Variants in KIF20B observed in about 807,000 individuals in gnomAD.
KIF20B encodes kinesin-like protein KIF20B.
A neutral mutation model predicts 232.5 loss-of-function variants in KIF20B; 188 were observed. That is an observed-to-expected ratio of 0.81 (90% confidence interval 0.72 to 0.91). KIF20B has a LOEUF of 0.91. Ranked by LOEUF, KIF20B falls within the 40% of genes least tolerant of loss-of-function variation. KIF20B has a pLI of 0.00. For missense variants in KIF20B, 2,154 were observed against 2,055.9 expected, an observed-to-expected ratio of 1.05 and a Z score of -0.92; for synonymous variants, 712 against 683.0, an observed-to-expected ratio of 1.04 and a Z score of -0.66.
In KIF20B at chr10:89,719,527, G is replaced by T; in HGVS notation, c.1543G>T (p.Val515Leu). ...TAATTCAAACAGTAAAATATTAAATGTAAAAAGAGCCACCATTTCATGGGA... is the reference window on the plus strand; with the variant it reads ...TAATTCAAACAGTAAAATATTAAATTTAAAAAGAGCCACCATTTCATGGGA... ...DSNSNSKILN[V>L]KRATISWENS... The change falls in exon 13 of 33, where the codon GTA becomes TTA. Residue 515 changes from valine to leucine, a missense_variant. Physicochemically the swap from Val to Leu is conservative, Grantham distance 32. Coordinates refer to ENST00000371728, the MANE Select transcript of KIF20B (RefSeq NM_001284259.2). The T allele has an allele frequency of 6.2e-7, 1 of 1,612,532 alleles. No individual in the cohort carries two copies. Among genetic ancestry groups the T allele is most frequent in the Non-Finnish European group, 8.5e-7 (1 of 1,178,858 alleles).
In KIF20B at chr10:89,706,060, G is replaced by A. The variant is rs141727135; in HGVS notation, c.147+619G>A. ...ATACCTAGGAATACAAACTGTATAA[G>A]TTTAACTTTATAAGTAACTACTAAA... On this transcript the variant is annotated intron_variant, in intron 2 of 32. Transcript: ENST00000371728. Among the ~76,000 whole-genome samples, 459 of 152,260 alleles carry A rather than the reference G, an allele frequency of 3.0e-3. 3 individuals are homozygous for A. Among genetic ancestry groups the A allele is most frequent in the African/African-American group, 0.01 (429 of 41,556 alleles).
intron 29 of KIF20B, 56 bp downstream of exon 29, chr10:89,762,891 A>C: frequency 7.5e-7 from 1 of 1,325,656 alleles, no homozygotes; most frequent in Non-Finnish European, 1.1e-6. Flanking sequence ...TAAAGCTGTT[A>C]TAGTATAGAG....
intron 13 of KIF20B, among the ~76,000 whole-genome samples, chr10:89,723,233 A>G (rs1424822822): frequency 2.6e-5 from 4 of 152,196 alleles, no homozygotes; most frequent in Admixed American, 2.6e-4. Context: ...TTATTGTTTA[A>G]TTTGTTGTTG....
intron 11 of KIF20B, 88 bp downstream of exon 11, chr10:89,717,810 A>AT (rs1842965972): frequency 2.5e-6 from 2 of 816,282 alleles, no homozygotes; most frequent in Non-Finnish European, 3.8e-6. Context: ...TTCTTTTTTG[A>AT]TTTTTAAACT....
At chr10:89,710,613 AT>A (rs11332733) in intron 5 of KIF20B, among the ~76,000 whole-genome samples, 46,949 of 152,060 alleles carry the variant, frequency 0.31, 8,149 homozygotes, top group African/African-American at 0.46. Context: ...GATGATTAAA[AT>A]CCAGAAAAAG....
intron 6 of KIF20B, among the ~76,000 whole-genome samples, chr10:89,711,673 G>C (rs1589852103): frequency 6.6e-6 from 1 of 151,582 alleles, no homozygotes; most frequent in East Asian, 1.9e-4. Flanking sequence ...TTATATGTAT[G>C]ATATAATTTT....
At position 89,754,554 on chromosome 10, in the gene KIF20B, T is replaced by C; in HGVS notation, c.4384T>C (p.Trp1462Arg). Residue 1462 changes from tryptophan to arginine, a missense_variant, in exon 26 of 33, where the codon TGG (tryptophan) becomes CGG (arginine). Physicochemically the swap from Trp to Arg is moderately radical, Grantham distance 101. Coordinates refer to ENST00000371728, the MANE Select transcript of KIF20B (RefSeq NM_001284259.2). ...EQKYNADRKK[W>R]LEEKMMLITQ... is the part of the protein sequence containing the mutation. ...GAAATATAATGCTGATAGAAAGAAA[T>C]GGTTAGAAGAAAAAATGATGCTTAT... The C allele has an allele frequency of 6.2e-7, 1 of 1,600,206 alleles. No individual in the cohort carries two copies. Among genetic ancestry groups the C allele is most frequent in the Non-Finnish European group, 8.5e-7 (1 of 1,172,560 alleles).
intron 12 of KIF20B, 52 bp from the exon 13 acceptor site, chr10:89,719,367 T>C: frequency 8.1e-7 from 1 of 1,236,806 alleles, no homozygotes; most frequent in Non-Finnish European, 1.1e-6. Flanking sequence ...CATTTTCTAG[T>C]GGACAGTTCT....
chr10:89,745,923 G>C lies in KIF20B; in HGVS notation c.4060G>C (p.Glu1354Gln), dbSNP rs758003194. The C allele has an allele frequency of 1.2e-6, 2 of 1,610,624 alleles. No homozygotes were observed. The highest frequency in any genetic ancestry group is 1.7e-6 in the Non-Finnish European group (2 of 1,176,878). Reference sequence around the variant, plus strand: ...GGAGCAGTTAAATAATCAGAAAGTGGAAGAAGCTATACAACAGTATGAGAG... The same window carrying C: ...GGAGCAGTTAAATAATCAGAAAGTGCAAGAAGCTATACAACAGTATGAGAG... ...LKEQLNNQKV[E>Q]EAIQQYERAC... Residue 1354 changes from glutamate to glutamine, a missense_variant, in exon 23 of 33, where the codon GAA (glutamate) becomes CAA (glutamine). Glu to Gln is a conservative substitution (Grantham distance 29). Coordinates refer to ENST00000371728, the MANE Select transcript of KIF20B (RefSeq NM_001284259.2).
chr10:89,737,271 T>A, intron 19 of KIF20B, 116 bp from the exon 20 acceptor site: 1 of 1,108,962 alleles, frequency 9.0e-7, no homozygotes, highest in Non-Finnish European at 1.2e-6. Context: ...TCATTTTTTT[T>A]TTTTAATTAG....
At chr10:89,729,357 T>C in intron 18 of KIF20B, 110 bp downstream of exon 18, 2 of 1,082,696 alleles carry the variant, frequency 1.8e-6, no homozygotes, top group South Asian at 1.6e-5. Flanking sequence ...ATTGAGAATG[T>C]TGAATTGCTT....
At chr10:89,752,257 C>G (rs1842035797) in intron 24 of KIF20B, among the ~76,000 whole-genome samples, 1 of 152,048 alleles carries the variant, frequency 6.6e-6, no homozygotes, top group South Asian at 2.1e-4. Flanking sequence ...TAGCCACTTT[C>G]ATGGGCATAG....
At chr10:89,747,030 G>A (rs1184420956) in intron 23 of KIF20B, among the ~76,000 whole-genome samples, 1 of 152,186 alleles carries the variant, frequency 6.6e-6, no homozygotes, top group Non-Finnish European at 1.5e-5. Context: ...ACGAAATTGT[G>A]TAAAGAATAA....
At chr10:89,750,469 C>T (rs1159940468) in intron 23 of KIF20B, among the ~76,000 whole-genome samples, 1 of 152,268 alleles carries the variant, frequency 6.6e-6, no homozygotes, top group African/African-American at 2.4e-5. Context: ...ACAGTTTTCT[C>T]TTACTGTTTA....
chr10:89,771,634 G>C (rs1451760775), intron 31 of KIF20B, among the ~76,000 whole-genome samples: 1 of 151,964 alleles, frequency 6.6e-6, no homozygotes, highest in South Asian at 2.1e-4. Flanking sequence ...CTTTGGTGGA[G>C]GCCTTCTTAT....
intron 1 of KIF20B, among the ~76,000 whole-genome samples, chr10:89,702,786 T>A (rs1305856430): frequency 6.6e-6 from 1 of 151,820 alleles, no homozygotes; most frequent in Non-Finnish European, 1.5e-5. Flanking sequence ...TAGTATTTTC[T>A]TTATAACCAT....
intron 23 of KIF20B, among the ~76,000 whole-genome samples, chr10:89,749,197 C>T (rs937331447): frequency 7.9e-5 from 12 of 151,854 alleles, no homozygotes; most frequent in Admixed American, 6.6e-4. Flanking sequence ...TTATTTTTTC[C>T]TTTAGAGAGA....
At position 89,772,787 on chromosome 10, in the gene KIF20B, T is replaced by C. The variant is rs773439094; in HGVS notation, c.5341T>C (p.Tyr1781His). The C allele has an allele frequency of 6.2e-6, 10 of 1,610,446 alleles. No individual in the cohort carries two copies. Among genetic ancestry groups the C allele is most frequent in the Middle Eastern group, 1.7e-4 (1 of 6,048 alleles). The change falls in exon 32 of 33, where the codon TAC becomes CAC. Residue 1781 changes from tyrosine (Y) to histidine (H), a missense_variant. Transcript: ENST00000371728. The stretch of plus-strand genomic sequence containing the variant: ...ACCAAAACGAGCCAAACGGAAATTA[T>C]ACACAAGTGAAATTTCATCTCCTAT... ...SQPKRAKRKL[Y>H]TSEISSPIDI... is the part of the protein sequence containing the mutation.
chr10:89,710,236 G>T (rs1842809748), intron 5 of KIF20B, among the ~76,000 whole-genome samples, 171 bp downstream of exon 5: 1 of 149,280 alleles, frequency 6.7e-6, no homozygotes, highest in Admixed American at 6.7e-5. Context: ...TTTTTGGCGG[G>T]GGAGGGACAG....
Sources: allele counts gnomAD v4.1 joint callset (sites outside exome capture counted in the v4.1 genomes callset), GRCh38; gene constraint gnomAD v4.1.1; transcripts MANE v1.5; gene names NCBI Gene and HGNC (gene_info 2026-07-23, HGNC 2026-07-21).